Variants in GAP43 observed in about 807,000 individuals in gnomAD.
GAP43 encodes growth associated protein 43, also known as neuromodulin.
Under a neutral mutation model 18.6 loss-of-function variants are expected in GAP43, and 6 were observed. That is an observed-to-expected ratio of 0.32 (90% CI 0.18 to 0.64). The LOEUF is 0.64. Among genes scored for constraint, GAP43 ranks in the 30% least tolerant of loss-of-function variants. The pLI is 0.78. For missense variants in GAP43, 292 were observed against 295.5 expected, an observed-to-expected ratio of 0.99 and a Z score of 0.09; for synonymous variants, 115 against 111.4, an observed-to-expected ratio of 1.03 and a Z score of -0.20.
At chr3:115,663,572 T>C (rs1414374817) in intron 1 of GAP43, 1 of 1,320,956 alleles carries the variant, frequency 7.6e-7, no homozygotes, top group Non-Finnish European at 9.6e-7. Context: ...CAAGTGTGAA[T>C]TTTCCCTGTC....
chr3:115,648,977 C>A (rs1377032352), intron 1 of GAP43, among the ~76,000 whole-genome samples: 1 of 151,906 alleles, frequency 6.6e-6, no homozygotes, highest in African/African-American at 2.4e-5. Flanking sequence ...AGGATGAAAG[C>A]CAGAGTTTAA....
intron 2 of GAP43, among the ~76,000 whole-genome samples, chr3:115,698,206 T>TATATAAA (rs1709240119): frequency 9.7e-4 from 2 of 2,068 alleles, no homozygotes; most frequent in Non-Finnish European, 1.4e-3. Context: ...TATTATATAT[T>TATATAAA]ATATAAAATA....
intron 2 of GAP43, among the ~76,000 whole-genome samples, chr3:115,683,922 C>T (rs892969295): frequency 6.6e-6 from 1 of 151,916 alleles, no homozygotes; most frequent in African/African-American, 2.4e-5. Flanking sequence ...GGCTATTGAA[C>T]GTCCCGAGAA....
At chr3:115,683,124 TGCGCGCGCGTGCGC>T (rs1354861688) in intron 2 of GAP43, among the ~76,000 whole-genome samples, 2 of 113,796 alleles carry the variant, frequency 1.8e-5, no homozygotes, top group African/African-American at 3.1e-5. Flanking sequence ...TACATACATG[TGCGCGCGCGTGCGC>T]GCGCGCGCGC....
At chr3:115,718,189 A>ATATG (rs1378413192) in intron 2 of GAP43, among the ~76,000 whole-genome samples, 1 of 151,982 alleles carries the variant, frequency 6.6e-6, no homozygotes, top group Non-Finnish European at 1.5e-5. Context: ...CTATCTTTCT[A>ATATG]TATGTTTCTG....
chr3:115,718,338 A>C (rs1434114617), intron 2 of GAP43, among the ~76,000 whole-genome samples: 1 of 152,224 alleles, frequency 6.6e-6, no homozygotes, highest in Non-Finnish European at 1.5e-5. Flanking sequence ...TTAGGGAACC[A>C]AGCAAACTCT....
intron 1 of GAP43, among the ~76,000 whole-genome samples, chr3:115,656,999 AC>A (rs1708592786): frequency 6.6e-6 from 1 of 152,230 alleles, no homozygotes; most frequent in African/African-American, 2.4e-5. Context: ...TTTCTAGTCT[AC>A]AAGTATTATG....
intron 2 of GAP43, among the ~76,000 whole-genome samples, chr3:115,693,388 G>T (rs1441875381): frequency 6.6e-6 from 1 of 152,050 alleles, no homozygotes; most frequent in African/African-American, 2.4e-5. Flanking sequence ...CAACACACAG[G>T]GCTAGTCATC....
chr3:115,720,821 A>C lies in GAP43; in HGVS notation c.656A>C (p.Glu219Ala), dbSNP rs769756372. 1 of 1,613,034 alleles carries C rather than the reference A, an allele frequency of 6.2e-7. No individual in the cohort carries two copies. The highest frequency in any genetic ancestry group is 2.2e-5 in the East Asian group (1 of 44,868). The change falls in exon 3 of 3, where the codon GAA becomes GCA. Residue 219 changes from glutamate to alanine, a missense_variant. By Grantham distance (107) the Glu-to-Ala change is moderately radical (BLOSUM62 -1). Transcript: ENST00000305124. The stretch of plus-strand genomic sequence containing the variant: ...GCTGTAGATGAAACCAAACCTAAGG[A>C]AAGTGCCCGGCAGGACGAGGGTAAA... Reference protein sequence around the residue: ...IEAVDETKPKESARQDEGKEE... With the variant: ...IEAVDETKPKASARQDEGKEE...
intron 2 of GAP43, among the ~76,000 whole-genome samples, chr3:115,714,065 A>T (rs1157634484): frequency 1.3e-5 from 2 of 152,206 alleles, no homozygotes; most frequent in South Asian, 4.1e-4. Flanking sequence ...ATAAATTCCA[A>T]TAACTTAGAG....
chr3:115,673,251 AGG>A (rs1708837435), intron 1 of GAP43, among the ~76,000 whole-genome samples: 1 of 152,198 alleles, frequency 6.6e-6, no homozygotes, highest in Non-Finnish European at 1.5e-5. Flanking sequence ...GAGAAAGAGG[AGG>A]GAGAGAAAAT....
Position 115,676,556 on chromosome 3 carries a change from A to G in GAP43, c.574A>G (p.Thr192Ala), listed in dbSNP as rs562601628. 6.2e-7 allele frequency: 1 copy of G among 1,612,786 alleles called. No individual in the cohort carries two copies. The highest frequency in any genetic ancestry group is 1.3e-5 in the African/African-American group (1 of 75,028). ...CGCAGAGGATGCTGCTGCCAAGGCA[A>G]CAGCCCAGCCTCCAACGGAGACTGG... ...PAAEDAAAKA[T>A]AQPPTETGES... Residue 192 changes from threonine to alanine, a missense_variant, in exon 2 of 3, where the codon ACA (threonine) becomes GCA (alanine). Physicochemically the swap from Thr to Ala is moderately conservative, Grantham distance 58 (BLOSUM62 0). Coordinates refer to ENST00000305124, the MANE Select transcript of GAP43 (RefSeq NM_002045.4).
At chr3:115,715,789 C>T (rs1559808754) in intron 2 of GAP43, among the ~76,000 whole-genome samples, 1 of 152,170 alleles carries the variant, frequency 6.6e-6, no homozygotes, top group Non-Finnish European at 1.5e-5. Context: ...AATCTTCAGA[C>T]CTACATAGCT....
chr3:115,690,150 G>C (rs1342433713), intron 2 of GAP43, among the ~76,000 whole-genome samples: 1 of 152,222 alleles, frequency 6.6e-6, no homozygotes, highest in Admixed American at 6.5e-5. Context: ...AGGGTTCCTT[G>C]ACAAATGGAT....
chr3:115,657,314 C>T (rs1708595889), intron 1 of GAP43, among the ~76,000 whole-genome samples: 1 of 152,176 alleles, frequency 6.6e-6, no homozygotes, highest in South Asian at 2.1e-4. Context: ...GTGTTCACCC[C>T]CAGGACGAAG....
At chr3:115,686,317 G>T (rs1305744537) in intron 2 of GAP43, among the ~76,000 whole-genome samples, 1 of 152,188 alleles carries the variant, frequency 6.6e-6, no homozygotes, top group Non-Finnish European at 1.5e-5. Flanking sequence ...ATATATATGT[G>T]ATGCCATGAG....
At chr3:115,720,748 C>A in intron 2 of GAP43, 46 bp from the exon 3 acceptor site, 1 of 1,324,822 alleles carries the variant, frequency 7.5e-7, no homozygotes, top group Non-Finnish European at 1.1e-6. Flanking sequence ...AGACAAAATA[C>A]TAATTCTCTC....
chr3:115,696,829 TTTTG>T (rs772067922), intron 2 of GAP43, among the ~76,000 whole-genome samples: 400 of 151,432 alleles, frequency 2.6e-3, no homozygotes, highest in African/African-American at 9.2e-3. Flanking sequence ...TGTTGGTTAG[TTTTG>T]TTTGTTTGTT....
chr3:115,678,998 T>C (rs985531678), intron 2 of GAP43, among the ~76,000 whole-genome samples: 1 of 151,748 alleles, frequency 6.6e-6, no homozygotes, highest in African/African-American at 2.4e-5. Flanking sequence ...TATCACATCA[T>C]ATCAGGTCCA....
Sources: gnomAD v4.1 joint callset for allele counts (sites outside exome capture counted in the v4.1 genomes callset) on GRCh38, gnomAD v4.1.1 for gene constraint, MANE v1.5 for transcripts, NCBI Gene and HGNC (gene_info 2026-07-23, HGNC 2026-07-21) for gene names.